Variants in NYAP2 observed in about 807,000 individuals in gnomAD.
NYAP2 encodes the protein neuronal tyrosine-phosphorylated phosphoinositide-3-kinase adapter 2.
A neutral mutation model predicts 50.4 loss-of-function variants in NYAP2; 23 were observed. That is an observed-to-expected ratio of 0.46 (90% CI 0.33 to 0.65). The LOEUF (loss-of-function observed/expected upper bound fraction) is 0.65, where lower values mean the gene tolerates loss of function less well. NYAP2 is among the 30% of genes least tolerant of loss of function. The probability of loss-of-function intolerance (pLI) is 0.02; values close to 1 mark genes in which losing one functional copy is unlikely to be tolerated. For missense variants in NYAP2, 885 were observed against 861.0 expected, an observed-to-expected ratio of 1.03 and a Z score of -0.35; for synonymous variants, 394 against 365.2, an observed-to-expected ratio of 1.08 and a Z score of -0.90.
chr2:225,538,700 G>T (rs1241812728), intron 4 of NYAP2, among the ~76,000 whole-genome samples: 3 of 152,120 alleles, frequency 2.0e-5, no homozygotes, highest in Non-Finnish European at 4.4e-5. Flanking sequence ...TGGCCTCCTT[G>T]TTACTTATGC....
At chr2:225,524,762 A>T (rs1380178882) in intron 4 of NYAP2, among the ~76,000 whole-genome samples, 1 of 152,152 alleles carries the variant, frequency 6.6e-6, no homozygotes, top group African/African-American at 2.4e-5. Context: ...TTAAACTAAA[A>T]AGCTTTTACA....
At chr2:225,489,678 G>A (rs1690370421) in intron 3 of NYAP2, among the ~76,000 whole-genome samples, 1 of 152,130 alleles carries the variant, frequency 6.6e-6, no homozygotes, top group Admixed American at 6.5e-5. Context: ...GAGTCATATG[G>A]CTAGGATGTG....
At chr2:225,476,219 C>A (rs1177835883) in intron 3 of NYAP2, among the ~76,000 whole-genome samples, 1 of 152,104 alleles carries the variant, frequency 6.6e-6, no homozygotes, top group African/African-American at 2.4e-5. Context: ...GGAGACCATC[C>A]TGGCTAACAC....
At chr2:225,415,247 G>C (rs1387660551) in intron 3 of NYAP2, among the ~76,000 whole-genome samples, 1 of 152,048 alleles carries the variant, frequency 6.6e-6, no homozygotes, top group Non-Finnish European at 1.5e-5. Flanking sequence ...AAAGCTATCT[G>C]TATTTGAAAG....
At chr2:225,622,564 T>TTTC (rs1157472900) in intron 5 of NYAP2, among the ~76,000 whole-genome samples, 108 of 53,048 alleles carry the variant, frequency 2.0e-3, no homozygotes, top group Middle Eastern at 8.1e-3. Flanking sequence ...TTTCTTTTTC[T>TTTC]TTCTTTCTTT....
intron 4 of NYAP2, among the ~76,000 whole-genome samples, chr2:225,563,361 T>C (rs1052158987): frequency 6.6e-6 from 1 of 152,130 alleles, no homozygotes; most frequent in Non-Finnish European, 1.5e-5. Context: ...GTCTTCCAGC[T>C]GTAGGAAGCA....
At chr2:225,577,036 A>T (rs1559219294) in intron 4 of NYAP2, among the ~76,000 whole-genome samples, 1 of 151,980 alleles carries the variant, frequency 6.6e-6, no homozygotes, top group Non-Finnish European at 1.5e-5. Flanking sequence ...TTTTTTAAAT[A>T]AGGAAAAAAG....
intron 6 of NYAP2, among the ~76,000 whole-genome samples, chr2:225,632,549 T>C (rs1693339904): frequency 6.6e-6 from 1 of 152,196 alleles, no homozygotes; most frequent in African/African-American, 2.4e-5. Context: ...TGTCAGGAGA[T>C]CTCAATTCTA....
In NYAP2 at chr2:225,440,215, C is replaced by T. The variant is rs867227132; in HGVS notation, c.221+31114C>T. 2.6e-5 allele frequency among the ~76,000 whole-genome samples: 4 copies of T among 152,306 alleles called. No individual in the cohort carries two copies. In the South Asian group the frequency reaches 8.3e-4, roughly 32 times the overall value. On this transcript the variant is annotated intron_variant, in intron 3 of 6. Transcript: ENST00000636099. ...GGCTAGCAGGCTAAATGCCTGGAAG[C>T]AGCATTTTGCAGGCATGGAGATGCT...
the NYAP2 span, among the ~76,000 whole-genome samples, chr2:225,692,466 T>C: frequency 3.9e-5 from 6 of 152,104 alleles, no homozygotes; most frequent in Admixed American, 6.6e-5. Context: ...TCCTTATGCA[T>C]TGAAGGATCA....
intron 4 of NYAP2, among the ~76,000 whole-genome samples, chr2:225,552,536 A>G (rs1691696263): frequency 6.6e-6 from 1 of 152,124 alleles, no homozygotes; most frequent in Non-Finnish European, 1.5e-5. Context: ...TGCTTTTATA[A>G]GAAGGGAGAG....
intron 5 of NYAP2, among the ~76,000 whole-genome samples, chr2:225,596,221 G>C (rs1692594050): frequency 6.6e-6 from 1 of 152,070 alleles, no homozygotes; most frequent in South Asian, 2.1e-4. Context: ...CATGCAATAG[G>C]ATATCCTCAT....
chr2:225,538,376 T>C (rs1314660547), intron 4 of NYAP2, among the ~76,000 whole-genome samples: 1 of 152,220 alleles, frequency 6.6e-6, no homozygotes, highest in African/African-American at 2.4e-5. Context: ...GAAAACTAGG[T>C]GGGGGTTCCC....
chr2:225,536,935 C>T (rs1337418292), intron 4 of NYAP2, among the ~76,000 whole-genome samples: 4 of 151,948 alleles, frequency 2.6e-5, no homozygotes, highest in African/African-American at 7.3e-5. Context: ...CCCGCCACCA[C>T]GCCCGGCTTT....
At chr2:225,624,010 C>T (rs1175495349) in intron 5 of NYAP2, among the ~76,000 whole-genome samples, 9 of 152,130 alleles carry the variant, frequency 5.9e-5, no homozygotes, top group Non-Finnish European at 4.4e-5. Context: ...AAAATTAACA[C>T]GCTATTTCCA....
intron 3 of NYAP2, among the ~76,000 whole-genome samples, chr2:225,491,230 A>G (rs181719515): frequency 7.0e-4 from 107 of 152,366 alleles, no homozygotes; most frequent in African/African-American, 2.5e-3. Flanking sequence ...AATAAGTGAT[A>G]CATTATATGA....
At chr2:225,449,953 C>A (rs996101779) in intron 3 of NYAP2, among the ~76,000 whole-genome samples, 1 of 152,064 alleles carries the variant, frequency 6.6e-6, no homozygotes, top group Non-Finnish European at 1.5e-5. Context: ...ATGCACCATT[C>A]CTGTATCTGA....
At chr2:225,446,212 GTCTGTCTCTCTCTCTCTC>G (rs1302704783) in intron 3 of NYAP2, among the ~76,000 whole-genome samples, 3 of 47,286 alleles carry the variant, frequency 6.3e-5, no homozygotes, top group African/African-American at 1.7e-4. Flanking sequence ...CTGTCTGTCT[GTCTGTCTCTCTCTCTCTC>G]TCTCTCTCTC....
chr2:225,520,254 T>G (rs1163525635), intron 4 of NYAP2, among the ~76,000 whole-genome samples: 1 of 152,108 alleles, frequency 6.6e-6, no homozygotes, highest in Non-Finnish European at 1.5e-5. Context: ...TTTCTTTTGC[T>G]GTGCAGAAGC....
Sources: gnomAD v4.1 joint callset for allele counts (sites outside exome capture counted in the v4.1 genomes callset) on GRCh38, gnomAD v4.1.1 for gene constraint, MANE v1.5 for transcripts, NCBI Gene and HGNC (gene_info 2026-07-23, HGNC 2026-07-21) for gene names.